FARP2: variants seen among roughly 807,000 people sequenced by gnomAD.
The protein encoded by FARP2 is FERM, ARHGEF and pleckstrin domain-containing protein 2.
A neutral mutation model predicts 130.5 loss-of-function variants in FARP2; 111 were observed. The observed-to-expected ratio is 0.85, with a 90% CI of 0.73 to 1.00. FARP2 has a LOEUF of 1.00. Among genes scored for constraint, FARP2 ranks in the 50% least tolerant of loss-of-function variants. FARP2 has a pLI of 0.00. For missense variants in FARP2, 1,385 were observed against 1,346.3 expected (o/e 1.03, Z -0.45); for synonymous variants, 504 against 516.9 (o/e 0.98, Z 0.34).
intron 2 of FARP2, among the ~76,000 whole-genome samples, chr2:241,386,144 G>A (rs1255394541): frequency 6.6e-6 from 1 of 152,164 alleles, no homozygotes; most frequent in Non-Finnish European, 1.5e-5. Context: ...CCAGGCTTGA[G>A]TGCAGTAGCA....
chr2:241,394,104 T>A (rs1559727127), intron 2 of FARP2, among the ~76,000 whole-genome samples: 1 of 152,196 alleles, frequency 6.6e-6, no homozygotes, highest in East Asian at 1.9e-4. Flanking sequence ...GAATCTTGTT[T>A]CATCTGATCA....
At chr2:241,439,513 G>C (rs1207954717) in intron 12 of FARP2, among the ~76,000 whole-genome samples, 2 of 151,856 alleles carry the variant, frequency 1.3e-5, no homozygotes, top group African/African-American at 4.8e-5. Flanking sequence ...GTATTTTTTG[G>C]AGAGACAGGG....
chr2:241,360,564 C>T (rs563856112), intron 1 of FARP2, among the ~76,000 whole-genome samples: 1 of 151,720 alleles, frequency 6.6e-6, no homozygotes, highest in African/African-American at 2.4e-5. Flanking sequence ...TTCCCAGCTT[C>T]TCAGGAGGCT....
chr2:241,456,760 G>A lies in FARP2; in HGVS notation c.1425G>A (p.Lys475=), dbSNP rs149565694. ...GTTCATTTCCAGGCCTTTCCACGAA[G>A]AGTCCTCAGCCTTCTCCCTCCAGCC... ...ALQPGPGLST[K]SPQPSPSSRK... is the part of the protein sequence containing the mutation. Residue 475 remains lysine, a synonymous_variant, in exon 14 of 27, where the codon AAG becomes AAA. Coordinates refer to ENST00000264042, the MANE Select transcript of FARP2 (RefSeq NM_014808.4). 1.2e-6 allele frequency: 2 copies of A among 1,614,066 alleles called. No individual in the cohort carries two copies. Among genetic ancestry groups the A allele is most frequent in the Non-Finnish European group, 8.5e-7 (1 of 1,179,988 alleles).
At chr2:241,424,086 C>A (rs1207723292) in intron 8 of FARP2, among the ~76,000 whole-genome samples, 2 of 152,118 alleles carry the variant, frequency 1.3e-5, no homozygotes, top group Non-Finnish European at 1.5e-5. Flanking sequence ...TATTCAGGAC[C>A]TGAACTCAGC....
Position 241,453,426 on chromosome 2 carries a change from T to C in FARP2, c.1412-3321T>C, listed in dbSNP as rs182649883. ...TCACAAGGTCAGGAGATCGAGACCA[T>C]CCTGGCTAACATGGTGAAACCCCGT... On this transcript the variant is annotated intron_variant, in intron 13 of 26. Transcript: ENST00000264042. 4.1e-3 allele frequency among the ~76,000 whole-genome samples: 608 copies of C among 149,380 alleles called. 3 individuals carry two copies. Among genetic ancestry groups the C allele is most frequent in the African/African-American group, 0.014 (569 of 40,492 alleles).
At chr2:241,451,438 C>CT (rs1171263100) in intron 13 of FARP2, among the ~76,000 whole-genome samples, 1 of 152,174 alleles carries the variant, frequency 6.6e-6, no homozygotes, top group Non-Finnish European at 1.5e-5. Context: ...AATTTCAAGT[C>CT]TTTTAATGTT....
intron 2 of FARP2, among the ~76,000 whole-genome samples, chr2:241,384,984 A>C (rs931260607): frequency 1.5e-4 from 23 of 152,226 alleles, no homozygotes; most frequent in African/African-American, 5.3e-4. Flanking sequence ...TTTAATTATG[A>C]ATATTAATTG....
chr2:241,414,607 C>G (rs908857867), intron 7 of FARP2, among the ~76,000 whole-genome samples: 4 of 152,188 alleles, frequency 2.6e-5, no homozygotes, highest in African/African-American at 9.7e-5. Flanking sequence ...TACCTTACCC[C>G]GTAAGATTGT....
intron 19 of FARP2, among the ~76,000 whole-genome samples, chr2:241,482,000 T>A (rs1431699427): frequency 6.6e-6 from 1 of 152,242 alleles, no homozygotes; most frequent in Non-Finnish European, 1.5e-5. Context: ...TCTAAAGTCA[T>A]GTCTGGATAG....
At chr2:241,476,593 G>T (rs145228013) in intron 19 of FARP2, among the ~76,000 whole-genome samples, 2 of 152,142 alleles carry the variant, frequency 1.3e-5, no homozygotes, top group Non-Finnish European at 2.9e-5. Context: ...GGAGGCTGAG[G>T]CAGGAGAATC....
chr2:241,492,438 G>A (rs139256966), intron 24 of FARP2, among the ~76,000 whole-genome samples: 4 of 152,304 alleles, frequency 2.6e-5, no homozygotes, highest in East Asian at 1.9e-4. Context: ...CCCTGAAGGC[G>A]GGAGGCTCAT....
chr2:241,417,385 A>G (rs1198226222), intron 7 of FARP2, among the ~76,000 whole-genome samples: 1 of 151,914 alleles, frequency 6.6e-6, no homozygotes. Flanking sequence ...TCATTTTATT[A>G]TTAGTATTAT....
chr2:241,472,028 A>G (rs76430186), intron 18 of FARP2, among the ~76,000 whole-genome samples: 1 of 74,860 alleles, frequency 1.3e-5, no homozygotes, highest in Admixed American at 2.0e-4. Context: ...TTCTGGGAAC[A>G]CTGTTCTGAG....
chr2:241,487,746 C>CTTTTTTTTTTTTTTT lies in FARP2; in HGVS notation c.2422-2209_2422-2195dup, dbSNP rs1167750549. On this transcript the variant is annotated intron_variant, in intron 21 of 26. Transcript: ENST00000264042. The stretch of plus-strand genomic sequence containing the variant: ...ATGTCATAGCTTAGCCTAGCCTACT[C>CTTTTTTTTTTTTTTT]TTTTTTTTTTTTTTTTTTTTTGAGA... Among the ~76,000 whole-genome samples the CTTTTTTTTTTTTTTT allele has an allele frequency of 1.1e-4, 8 of 73,222 alleles. 3 individuals carry two copies. Among genetic ancestry groups the CTTTTTTTTTTTTTTT allele is most frequent in the Admixed American group, 4.8e-4 (2 of 4,170 alleles). 48.0% of individuals were successfully genotyped at this position (73,222 alleles called of 152,430 possible).
At chr2:241,384,983 G>C (rs2061751101) in intron 2 of FARP2, among the ~76,000 whole-genome samples, 1 of 152,126 alleles carries the variant, frequency 6.6e-6, no homozygotes, top group Non-Finnish European at 1.5e-5. Context: ...ATTTAATTAT[G>C]AATATTAATT....
chr2:241,379,683 T>C (rs542119812), intron 2 of FARP2, among the ~76,000 whole-genome samples: 1 of 152,352 alleles, frequency 6.6e-6, no homozygotes, highest in African/African-American at 2.4e-5. Flanking sequence ...TGTTTGTCAT[T>C]GCTCCCACAC....
chr2:241,410,488 G>A (rs1349173306), intron 5 of FARP2, among the ~76,000 whole-genome samples: 1 of 150,392 alleles, frequency 6.6e-6, no homozygotes, highest in African/African-American at 2.5e-5. Flanking sequence ...ATGGAGTGCA[G>A]TGGCATGATC....
chr2:241,410,548 A>G (rs2150360831), intron 5 of FARP2, among the ~76,000 whole-genome samples: 1 of 151,680 alleles, frequency 6.6e-6, no homozygotes, highest in Middle Eastern at 3.4e-3. Context: ...CTCCTGCCTC[A>G]GCCTCCCAAG....
Sources: gnomAD v4.1 joint callset for allele counts (sites outside exome capture counted in the v4.1 genomes callset) on GRCh38, gnomAD v4.1.1 for gene constraint, MANE v1.5 for transcripts, NCBI Gene and HGNC (gene_info 2026-07-23, HGNC 2026-07-21) for gene names.